The following STK3 variants were observed in gnomAD, a reference collection of about 807,000 sequenced individuals.
STK3 encodes the protein serine/threonine-protein kinase 3.
In STK3, 41 loss-of-function variants were observed where a neutral mutation model predicts 58.0. That is an observed-to-expected ratio of 0.71 (90% CI 0.55 to 0.92). STK3 has a LOEUF of 0.92. Ranked by LOEUF, STK3 falls within the 40% of genes least tolerant of loss-of-function variation. STK3 has a pLI of 0.00. For missense variants in STK3, 479 were observed against 602.7 expected, an observed-to-expected ratio of 0.79 and a Z score of 2.15; for synonymous variants, 170 against 191.0, an observed-to-expected ratio of 0.89 and a Z score of 0.91.
rs564097141 is a variant in STK3, at chr8:98,597,184, C to T, written c.685-1015G>A. 1.8e-4 allele frequency: 128 copies of T among 707,436 alleles called. 1 individual carries two copies. The African/African-American group carries it at 2.4e-3, about 13-fold the overall frequency. The allele number at this position is 707,436 out of a possible 1,614,324, so 43.8% of individuals were successfully genotyped here. A position where few individuals can be genotyped will look rare whatever the true frequency, so the allele number is the denominator to read the frequency against. ...CAGGTATTTTAATAATTGCCTATAT[C>T]ATTCTTTTGAATGCCCTCAGAATAT... On this transcript the variant is annotated intron_variant, in intron 6 of 10. Transcript: ENST00000419617.
intron 7 of STK3, among the ~76,000 whole-genome samples, chr8:98,587,701 TAA>T (rs1265408751): frequency 1.3e-5 from 2 of 152,108 alleles, no homozygotes; most frequent in Non-Finnish European, 2.9e-5. Flanking sequence ...AGTGGGGTGT[TAA>T]AGTCTCCCAT....
chr8:98,366,019 C>T, the STK3 span, among the ~76,000 whole-genome samples: 2 of 152,100 alleles, frequency 1.3e-5, no homozygotes, highest in East Asian at 3.9e-4. Flanking sequence ...AAGATATAAC[C>T]TAGAAGAGGA....
intron 6 of STK3, among the ~76,000 whole-genome samples, chr8:98,700,457 T>C (rs1479139103): frequency 6.6e-6 from 1 of 152,210 alleles, no homozygotes. Flanking sequence ...GTCTTCTGCG[T>C]CGCTCACGCT....
At chr8:98,837,184 T>A (rs557093926) in intron 3 of STK3, among the ~76,000 whole-genome samples, 2 of 152,244 alleles carry the variant, frequency 1.3e-5, no homozygotes, top group African/African-American at 4.8e-5. Context: ...CTAAGACCTA[T>A]GAAGGGAAAA....
At chr8:98,486,073 G>C (rs1486746069) in intron 10 of STK3, among the ~76,000 whole-genome samples, 1 of 152,232 alleles carries the variant, frequency 6.6e-6, no homozygotes, top group African/African-American at 2.4e-5. Context: ...ATAAGGAAAA[G>C]ATCTTAGGCC....
At chr8:98,448,965 C>T (rs1181731731) in intron 1 of STK3, among the ~76,000 whole-genome samples, 2 of 151,860 alleles carry the variant, frequency 1.3e-5, no homozygotes, top group Admixed American at 6.6e-5. Flanking sequence ...ATAAGAAATT[C>T]TTTCTGATGT....
At chr8:98,599,696 G>A (rs1296131490) in intron 6 of STK3, among the ~76,000 whole-genome samples, 1 of 152,150 alleles carries the variant, frequency 6.6e-6, no homozygotes, top group Non-Finnish European at 1.5e-5. Flanking sequence ...TCTAGGCCAG[G>A]TGCAGTGACT....
intron 6 of STK3, among the ~76,000 whole-genome samples, chr8:98,613,707 A>G (rs1817392069): frequency 6.6e-6 from 1 of 152,130 alleles, no homozygotes; most frequent in Non-Finnish European, 1.5e-5. Flanking sequence ...ATTAATAATT[A>G]CATTAAATGT....
intron 1 of STK3, among the ~76,000 whole-genome samples, chr8:98,909,330 G>A (rs1197409799): frequency 6.6e-6 from 1 of 151,700 alleles, no homozygotes; most frequent in Non-Finnish European, 1.5e-5. Flanking sequence ...ATATTTTATC[G>A]ACAGATGTTG....
chr8:98,859,745 A>G (rs911460471), intron 3 of STK3, among the ~76,000 whole-genome samples: 18 of 152,324 alleles, frequency 1.2e-4, no homozygotes, highest in African/African-American at 4.3e-4. Context: ...ATGCTTATGT[A>G]TAAGGACAGA....
rs567363360 is a variant in STK3 at position 98,907,286 on chromosome 8, G to A, written c.-78-23452C>T. On this transcript the variant is annotated intron_variant, in intron 1 of 1. Coordinates refer to the STK3 transcript ENST00000519420. ...CCCAGCACTTTGGGAGGCTGAGGCT[G>A]GCGGGTCACAAGTTCAGGAGATCGA... Among the ~76,000 whole-genome samples the A allele has an allele frequency of 5.3e-5, 8 of 152,286 alleles. No individual in the cohort carries two copies. The South Asian group carries it at 1.7e-3, about 32-fold the overall frequency.
At chr8:98,894,864 C>A (rs1183351853) in intron 1 of STK3, among the ~76,000 whole-genome samples, 1 of 152,130 alleles carries the variant, frequency 6.6e-6, no homozygotes, top group Non-Finnish European at 1.5e-5. Context: ...GCTGTGTCCC[C>A]AGAATCTAGA....
intron 7 of STK3, among the ~76,000 whole-genome samples, chr8:98,584,190 T>C (rs539071866): frequency 2.6e-5 from 4 of 152,098 alleles, no homozygotes; most frequent in African/African-American, 9.7e-5. Flanking sequence ...GCTGGTGCGC[T>C]GCACCCACTA....
chr8:98,629,554 T>C (rs1819018752), intron 6 of STK3, among the ~76,000 whole-genome samples: 1 of 152,176 alleles, frequency 6.6e-6, no homozygotes, highest in African/African-American at 2.4e-5. Context: ...TTCCCCTTTG[T>C]GGCTACTGAT....
At chr8:98,661,312 GGCATATAGTAC>G (rs2130787399) in intron 6 of STK3, among the ~76,000 whole-genome samples, 1 of 152,070 alleles carries the variant, frequency 6.6e-6, no homozygotes, top group South Asian at 2.1e-4. Flanking sequence ...ACATGTCATA[GGCATATAGTAC>G]TCTTATAACT....
intron 8 of STK3, among the ~76,000 whole-genome samples, chr8:98,577,361 T>C (rs1192314560): frequency 6.6e-6 from 1 of 151,948 alleles, no homozygotes; most frequent in Non-Finnish European, 1.5e-5. Context: ...GTGGCATGAG[T>C]CTGCAGTCCC....
chr8:98,358,711 G>C, the STK3 span, among the ~76,000 whole-genome samples: 708 of 152,230 alleles, frequency 4.7e-3, 12 homozygotes, highest in Admixed American at 0.031. Flanking sequence ...GGGGAATGAG[G>C]GGGGAGTGAC....
In STK3 at chr8:98,903,487, GTTCTTCTTC is replaced by G. The variant is rs71572029; in HGVS notation, c.-78-19662_-78-19654del. Among the ~76,000 whole-genome samples the G allele has an allele frequency of 3.4e-3, 482 of 139,720 alleles. 3 individuals carry two copies. Among genetic ancestry groups the G allele is most frequent in the Middle Eastern group, 7.5e-3 (2 of 266 alleles). 91.7% of individuals were successfully genotyped at this position (139,720 alleles called of 152,430 possible). ...TTATATTTCCACTTCAATTTAGGAA[GTTCTTCTTC>G]TTCTTCTTCTTCTTCTTCTTCTTCT... On this transcript the variant is annotated intron_variant, in intron 1 of 1. Coordinates refer to the STK3 transcript ENST00000519420.
intron 6 of STK3, among the ~76,000 whole-genome samples, chr8:98,655,148 T>C (rs1457375159): frequency 1.3e-5 from 2 of 151,912 alleles, no homozygotes; most frequent in African/African-American, 2.4e-5. Context: ...TATAGATCAA[T>C]GGAACAGAAC....
Sources: allele counts gnomAD v4.1 joint callset (sites outside exome capture counted in the v4.1 genomes callset), GRCh38; gene constraint gnomAD v4.1.1; transcripts MANE v1.5; gene names NCBI Gene and HGNC (gene_info 2026-07-23, HGNC 2026-07-21).